The following ZNF48 variants were observed in gnomAD, a reference collection of about 807,000 sequenced individuals.
The protein encoded by ZNF48 is zinc finger protein 553.
Under a neutral mutation model 40.0 loss-of-function variants are expected in ZNF48, and 20 were observed. The observed-to-expected ratio is 0.50, with a 90% CI of 0.35 to 0.73. ZNF48 has a LOEUF of 0.73. Among genes scored for constraint, ZNF48 ranks in the 30% least tolerant of loss-of-function variants. ZNF48 has a pLI of 0.01. For missense variants in ZNF48, 726 were observed against 851.9 expected (o/e 0.85, Z 1.84); for synonymous variants, 298 against 329.7 (o/e 0.90, Z 1.04).
chr16:30,395,806 G>T lies in ZNF48; in HGVS notation c.12G>T (p.Ala4=), dbSNP rs999864322. The T allele has an allele frequency of 4.5e-6, 7 of 1,545,388 alleles. No individual in the cohort carries two copies. The highest frequency in any genetic ancestry group is 6.1e-6 in the Non-Finnish European group (7 of 1,149,332). Residue 4 remains alanine, a synonymous_variant, in exon 2 of 3, where the codon GCG becomes GCT. Coordinates refer to ENST00000613509, the MANE Select transcript of ZNF48 (RefSeq NM_001214909.2). The surrounding 1 kb of genome is among the most constrained non-coding windows in gnomAD (Gnocchi z 5.9). ...GCGGCGTGCCGGCGATGGAGCGCGC[G>T]GTAGAGCCTTGGGGCCCAGATCTCC... is the stretch of plus-strand genomic sequence containing the variant. MER[A]VEPWGPDLHR... is the part of the protein sequence containing the mutation.
Position 30,381,431 on chromosome 16 carries a change from C to G in ZNF48, c.-16+3021C>G. ...TCAGGCCACTCTCATCCCTAAGGTA[C>G]TGCTCAAATTGCTCCTCGATGAATT... On this transcript the variant is annotated intron_variant, in intron 1 of 2. Coordinates refer to the ZNF48 transcript ENST00000528032. This position sits in a 1 kb window ranked among gnomAD's most constrained non-coding sequence, Gnocchi z 4.3. 1.2e-6 allele frequency: 2 copies of G among 1,614,032 alleles called. No homozygotes were observed. Among genetic ancestry groups the G allele is most frequent in the South Asian group, 1.1e-5 (1 of 91,072 alleles).
intron 1 of ZNF48, chr16:30,378,838 C>CG (rs1567422643): frequency 3.6e-6 from 1 of 276,832 alleles, no homozygotes; most frequent in African/African-American, 9.3e-5. Flanking sequence ...GGAGGCAAAG[C>CG]GGGTGGGGAG....
intron 1 of ZNF48, among the ~76,000 whole-genome samples, chr16:30,386,013 T>C (rs1214083412): frequency 3.3e-5 from 5 of 151,904 alleles, no homozygotes; most frequent in Non-Finnish European, 7.4e-5. Context: ...CAGTGGCTCA[T>C]GTCTGTAATC....
intron 1 of ZNF48, among the ~76,000 whole-genome samples, chr16:30,387,154 A>G (rs556312660): frequency 2.7e-5 from 4 of 148,950 alleles, no homozygotes; most frequent in Admixed American, 2.0e-4. Flanking sequence ...CGTGTTAGCC[A>G]GGATGGTCTC....
At chr16:30,390,792 T>G (rs1025308773), upstream of ZNF48, among the ~76,000 whole-genome samples, 2 of 151,824 alleles carry the variant, frequency 1.3e-5, no homozygotes, top group African/African-American at 4.8e-5. Context: ...GGCTAATTTT[T>G]TTTTTATATT....
Position 30,398,343 on chromosome 16 carries a change from G to T in ZNF48, c.1093G>T (p.Asp365Tyr). Residue 365 changes from aspartate to tyrosine, a missense_variant, in exon 3 of 3, where the codon GAC (aspartate) becomes TAC (tyrosine). Physicochemically the swap from Asp to Tyr is radical, Grantham distance 160. This residue lies in a region of ZNF48 where 378 missense variants were observed against 449.1 expected (regional missense o/e 0.84). Transcript: ENST00000613509. The surrounding 1 kb of genome is among the most constrained non-coding windows in gnomAD (Gnocchi z 6.6). ...GERPHACPEC[D>Y]RTFSLSSTLL... is the part of the protein sequence containing the mutation. ...GAGGCCCCATGCCTGCCCGGAATGC[G>T]ACCGTACCTTCAGCCTCAGCTCCAC... The T allele has an allele frequency of 1.9e-6, 3 of 1,612,510 alleles. No individual in the cohort carries two copies. The highest frequency in any genetic ancestry group is 2.5e-6 in the Non-Finnish European group (3 of 1,179,670).
chr16:30,378,522 T>G (rs776639677), intron 1 of ZNF48: 1 of 1,591,630 alleles, frequency 6.3e-7, no homozygotes, highest in Non-Finnish European at 8.6e-7. Context: ...GCGGCGCAGC[T>G]GTGCAGGGCG....
At chr16:30,396,680 C>A (rs2049987148) in intron 2 of ZNF48, among the ~76,000 whole-genome samples, 2 of 147,790 alleles carry the variant, frequency 1.4e-5, no homozygotes, top group Middle Eastern at 7.1e-3. Context: ...AGACATCACG[C>A]TTTGCTACTT....
intron 1 of ZNF48, among the ~76,000 whole-genome samples, chr16:30,386,194 A>T (rs2151113597): frequency 6.6e-6 from 1 of 151,888 alleles, no homozygotes; most frequent in African/African-American, 2.4e-5. Flanking sequence ...CAGGAGGATC[A>T]CTTGAGCCCA....
At chr16:30,388,799 CAGG>C (rs1164018548) in intron 1 of ZNF48, among the ~76,000 whole-genome samples, 1 of 152,058 alleles carries the variant, frequency 6.6e-6, no homozygotes, top group East Asian at 1.9e-4. Context: ...GAGGCTGAGG[CAGG>C]AGAATTGCTT....
chr16:30,392,022 AT>A (rs1228176932), upstream of ZNF48, among the ~76,000 whole-genome samples: 1 of 151,216 alleles, frequency 6.6e-6, no homozygotes, highest in Admixed American at 6.6e-5. Flanking sequence ...GTATCTTTTT[AT>A]TTATTTTATT....
rs2049846970 is a variant in ZNF48, at chr16:30,381,403, G to A, written c.-16+2993G>A. ...ACTCGGGAGTCCTGGATGTTCTTCC[G>A]GTTCAGGCCACTCTCATCCCTAAGG... On this transcript the variant is annotated intron_variant, in intron 1 of 2. Coordinates refer to the ZNF48 transcript ENST00000528032. The surrounding 1 kb of genome is among the most constrained non-coding windows in gnomAD (Gnocchi z 4.3). The A allele has an allele frequency of 6.2e-7, 1 of 1,613,764 alleles. No individual in the cohort carries two copies. Among genetic ancestry groups the A allele is most frequent in the Non-Finnish European group, 8.5e-7 (1 of 1,179,964 alleles).
At chr16:30,393,164 C>G (rs938845706), upstream of ZNF48, among the ~76,000 whole-genome samples, 1 of 152,132 alleles carries the variant, frequency 6.6e-6, no homozygotes, top group African/African-American at 2.4e-5. Flanking sequence ...GCAACCTCCG[C>G]CTCTGGGGTT....
rs1314289550 is a variant in ZNF48 at position 30,397,457 on chromosome 16, T to C, written c.207T>C (p.Pro69=). The C allele has an allele frequency of 6.8e-6, 11 of 1,614,124 alleles. No individual in the cohort carries two copies. Among genetic ancestry groups the C allele is most frequent in the Non-Finnish European group, 9.3e-6 (11 of 1,180,010 alleles). ...AAGTAGGAAATGCCTCTCTCAAACC[T>C]GAAGGCATCCAGAACTGGGATGACT... is the stretch of plus-strand genomic sequence containing the variant. ...DHEVGNASLK[P]EGIQNWDDLW... Residue 69 remains proline (P), a synonymous_variant, in exon 3 of 3, where the codon CCT becomes CCC. Coordinates refer to ENST00000613509, the MANE Select transcript of ZNF48 (RefSeq NM_001214909.2). This position sits in a 1 kb window ranked among gnomAD's most constrained non-coding sequence, Gnocchi z 4.1.
chr16:30,382,333 G>T lies in ZNF48; in HGVS notation c.-16+3923G>T, dbSNP rs141776058. The T allele has an allele frequency of 3.1e-5, 50 of 1,613,518 alleles. 1 individual carries two copies. The highest frequency in any genetic ancestry group is 5.0e-5 in the Admixed American group (3 of 59,934). ...TGACAGACTTGCGGTGCAGCTGGTT[G>T]GGGAGGGCAGCAAAACCCACGTACT... On this transcript the variant is annotated intron_variant, in intron 1 of 2. Transcript: ENST00000528032. The surrounding 1 kb of genome is among the most constrained non-coding windows in gnomAD (Gnocchi z 4.8).
intron 1 of ZNF48, chr16:30,379,596 G>C: frequency 9.6e-7 from 1 of 1,039,358 alleles, no homozygotes; most frequent in Non-Finnish European, 1.4e-6. Context: ...CTCTTTCCCA[G>C]CTTCAATCTC....
In ZNF48 at chr16:30,395,868, G is replaced by A. The variant is rs1168627256; in HGVS notation, c.74G>A (p.Arg25His). ...GAGAGGGAGCCACAGAGAGGCGCCC[G>A]CACAGGTGAGGGCCTCGGCCGTGCG... ...PEEREPQRGA[R>H]TGLGSENVIS... Residue 25 changes from arginine to histidine, a missense_variant, in exon 2 of 3, where the codon CGC becomes CAC. Around this residue, in one of 5 missense-constraint regions of ZNF48, gnomAD observed 151 missense variants for 162.3 expected, o/e 0.93. Coordinates refer to ENST00000613509, the MANE Select transcript of ZNF48 (RefSeq NM_001214909.2). This position sits in a 1 kb window ranked among gnomAD's most constrained non-coding sequence, Gnocchi z 5.9. 6.5e-7 allele frequency: 1 copy of A among 1,539,718 alleles called. No individual in the cohort carries two copies. Among genetic ancestry groups the A allele is most frequent in the Non-Finnish European group, 8.7e-7 (1 of 1,147,254 alleles).
Position 30,381,440 on chromosome 16 carries a change from T to C in ZNF48, c.-16+3030T>C. The C allele has an allele frequency of 6.2e-7, 1 of 1,613,956 alleles. No homozygotes were observed. Among genetic ancestry groups the C allele is most frequent in the Non-Finnish European group, 8.5e-7 (1 of 1,179,986 alleles). ...TCTCATCCCTAAGGTACTGCTCAAA[T>C]TGCTCCTCGATGAATTTCACCACCG... On this transcript the variant is annotated intron_variant, in intron 1 of 2. Coordinates refer to the ZNF48 transcript ENST00000528032. The surrounding 1 kb of genome is among the most constrained non-coding windows in gnomAD (Gnocchi z 4.3).
chr16:30,393,100 A>C (rs1243107177), upstream of ZNF48, among the ~76,000 whole-genome samples: 1 of 151,420 alleles, frequency 6.6e-6, no homozygotes, highest in South Asian at 2.1e-4. Flanking sequence ...TCTTGAGATG[A>C]AGTCTCGCTC....
Sources: allele counts gnomAD v4.1 joint callset (sites outside exome capture counted in the v4.1 genomes callset), GRCh38; gene constraint gnomAD v4.1.1; regional missense constraint gnomAD v4.1.1; non-coding constraint Gnocchi (gnomAD v3.1); transcripts MANE v1.5; gene names NCBI Gene and HGNC (gene_info 2026-07-23, HGNC 2026-07-21).